Variants in SLC25A21 observed in about 807,000 individuals in gnomAD.
SLC25A21 encodes the protein solute carrier family 25 member 21.
SLC25A21 carries 47 observed loss-of-function variants against 43.8 expected under a neutral mutation model. The observed-to-expected ratio is 1.07, with a 90% CI of 0.85 to 1.37. The LOEUF (loss-of-function observed/expected upper bound fraction) is 1.37. SLC25A21 is among the 40% of genes most tolerant of loss of function. SLC25A21 has a pLI of 0.00. For missense variants in SLC25A21, 352 were observed against 350.2 expected (o/e 1.00, Z -0.04); for synonymous variants, 131 against 121.3 (o/e 1.08, Z -0.52).
chr14:36,805,894 T>G (rs1888022419), intron 3 of SLC25A21, among the ~76,000 whole-genome samples: 1 of 151,912 alleles, frequency 6.6e-6, no homozygotes, highest in Non-Finnish European at 1.5e-5. Flanking sequence ...GGCTGGGAAA[T>G]GTAGTGAGAA....
At chr14:37,013,694 T>C (rs1960783276) in intron 1 of SLC25A21, among the ~76,000 whole-genome samples, 1 of 152,198 alleles carries the variant, frequency 6.6e-6, no homozygotes, top group African/African-American at 2.4e-5. Context: ...TCTGAAATTG[T>C]CATAAGTCAT....
chr14:37,108,314 T>G (rs916013907), intron 1 of SLC25A21, among the ~76,000 whole-genome samples: 2 of 152,190 alleles, frequency 1.3e-5, no homozygotes, highest in African/African-American at 4.8e-5. Flanking sequence ...AACGCCTTTT[T>G]TATTCTTACA....
intron 1 of SLC25A21, among the ~76,000 whole-genome samples, chr14:36,988,218 A>G (rs1338449218): frequency 1.3e-5 from 2 of 152,202 alleles, no homozygotes; most frequent in African/African-American, 4.8e-5. Flanking sequence ...TATCTGTAAA[A>G]TGAAATATTA....
Position 37,132,373 on chromosome 14 carries a change from A to G in SLC25A21, c.70+39908T>C, listed in dbSNP as rs1360201734. Among the ~76,000 whole-genome samples, 6 of 152,174 alleles carry G rather than the reference A, an allele frequency of 3.9e-5. No individual in the cohort carries two copies. The East Asian group carries it at 5.8e-4, about 15-fold the overall frequency. ...CCAGCAGCCTGGTTCTGTCTTAACC[A>G]CTATACTCACAGGAAAGCTGGGAGA... On this transcript the variant is annotated intron_variant, in intron 1 of 9. Coordinates refer to ENST00000331299, the MANE Select transcript of SLC25A21 (RefSeq NM_030631.4).
intron 5 of SLC25A21, 110 bp from the exon 6 acceptor site, chr14:36,725,787 C>A (rs978432428): frequency 4.1e-5 from 21 of 511,102 alleles, no homozygotes; most frequent in African/African-American, 2.8e-4. Flanking sequence ...AATGGAGAAA[C>A]CTACATAAAC....
chr14:36,958,679 G>GCACA (rs71124786), intron 1 of SLC25A21, among the ~76,000 whole-genome samples: 1,576 of 136,932 alleles, frequency 0.012, 16 homozygotes, highest in East Asian at 0.07. Flanking sequence ...AAGCACACGT[G>GCACA]CACACACACA....
intron 1 of SLC25A21, among the ~76,000 whole-genome samples, chr14:37,162,636 A>G (rs1387825594): frequency 6.6e-6 from 1 of 152,198 alleles, no homozygotes; most frequent in East Asian, 1.9e-4. Context: ...AGAAGTCAGG[A>G]AACAACAGGT....
intron 1 of SLC25A21, among the ~76,000 whole-genome samples, chr14:37,002,933 T>C (rs1960519709): frequency 6.6e-6 from 1 of 152,188 alleles, no homozygotes; most frequent in South Asian, 2.1e-4. Context: ...TACAGCTGAA[T>C]ATTTCTAAGG....
At chr14:36,822,665 G>A (rs1339303053) in intron 2 of SLC25A21, among the ~76,000 whole-genome samples, 1 of 152,188 alleles carries the variant, frequency 6.6e-6, no homozygotes, top group African/African-American at 2.4e-5. Flanking sequence ...AAAATCTTCT[G>A]TGCTATGTAA....
chr14:36,920,543 A>G (rs1484222264), intron 1 of SLC25A21, among the ~76,000 whole-genome samples: 1 of 152,092 alleles, frequency 6.6e-6, no homozygotes, highest in African/African-American at 2.4e-5. Context: ...ATTGCTAAGC[A>G]GAGACTTCCC....
chr14:36,943,799 G>C (rs1892621810), intron 1 of SLC25A21, among the ~76,000 whole-genome samples: 1 of 152,050 alleles, frequency 6.6e-6, no homozygotes, highest in Non-Finnish European at 1.5e-5. Context: ...TAAGAACAGG[G>C]TATGAGTCTT....
At chr14:37,171,598 A>G (rs79720279) in intron 1 of SLC25A21, among the ~76,000 whole-genome samples, 86 of 152,348 alleles carry the variant, frequency 5.6e-4, no homozygotes, top group Non-Finnish European at 1.2e-3. Flanking sequence ...ATACTTGCAC[A>G]TAACACATGT....
chr14:36,773,665 T>C (rs1222266649), intron 3 of SLC25A21, among the ~76,000 whole-genome samples: 4 of 152,206 alleles, frequency 2.6e-5, no homozygotes, highest in African/African-American at 9.7e-5. Context: ...ATTTACTGAC[T>C]CACCAGAGAT....
intron 6 of SLC25A21, among the ~76,000 whole-genome samples, chr14:36,717,689 A>C (rs1434600050): frequency 1.3e-5 from 2 of 152,200 alleles, no homozygotes; most frequent in East Asian, 3.8e-4. Context: ...TCTCATAAAC[A>C]CTTTCTTTTG....
Position 37,040,327 on chromosome 14 carries a change from G to GGGAA in SLC25A21, c.70+131950_70+131953dup, listed in dbSNP as rs1161001643. ...AGGAAGGAAAGGAAGAAAGGAAGAG[G>GGGAA]GGAAGGAAGGAAGGAAGGAAGGAAG... is the stretch of plus-strand genomic sequence containing the variant. On this transcript the variant is annotated intron_variant, in intron 1 of 9. Transcript: ENST00000331299. 1.9e-3 allele frequency among the ~76,000 whole-genome samples: 103 copies of GGGAA among 55,572 alleles called. 1 individual carries two copies. The highest frequency in any genetic ancestry group is 2.5e-3 in the Non-Finnish European group (87 of 34,936). The allele number at this position is 55,572 out of a possible 152,430, so 36.5% of individuals were successfully genotyped here.
chr14:37,154,147 C>T (rs1489728539), intron 1 of SLC25A21, among the ~76,000 whole-genome samples: 4 of 152,250 alleles, frequency 2.6e-5, no homozygotes, highest in African/African-American at 9.6e-5. Context: ...ACTCAACCCA[C>T]CACTGTCATC....
At chr14:36,851,307 C>T (rs954094046) in intron 2 of SLC25A21, among the ~76,000 whole-genome samples, 2 of 152,104 alleles carry the variant, frequency 1.3e-5, no homozygotes, top group African/African-American at 2.4e-5. Context: ...CAACCGAGGA[C>T]GGAAACCTGC....
At position 36,679,335 on chromosome 14, in the gene SLC25A21, G is replaced by A. The variant is rs1882079234; in HGVS notation, c.*1323C>T. 1.0e-6 allele frequency: 1 copy of A among 968,836 alleles called. No homozygotes were observed. Among genetic ancestry groups the A allele is most frequent in the Non-Finnish European group, 1.2e-6 (1 of 814,974 alleles). The allele number at this position is 968,836 out of a possible 1,614,324, so 60.0% of individuals were successfully genotyped here. A position where few individuals can be genotyped will look rare whatever the true frequency, so the allele number is the denominator to read the frequency against. ...AGCCTTTTATTTTTATACTTCAAAT[G>A]CTCTAAATTAATAAAAAGTAATAAT... On this transcript the variant is annotated 3_prime_UTR_variant, in exon 10 of 10. Coordinates refer to ENST00000331299, the MANE Select transcript of SLC25A21 (RefSeq NM_030631.4).
chr14:36,933,702 A>G (rs1892349097), intron 1 of SLC25A21, among the ~76,000 whole-genome samples: 1 of 152,124 alleles, frequency 6.6e-6, no homozygotes, highest in African/African-American at 2.4e-5. Flanking sequence ...GAATCAGGAA[A>G]CTGCCCAGCC....
Sources: allele counts gnomAD v4.1 joint callset (sites outside exome capture counted in the v4.1 genomes callset), GRCh38; gene constraint gnomAD v4.1.1; transcripts MANE v1.5; gene names NCBI Gene and HGNC (gene_info 2026-07-23, HGNC 2026-07-21).